Variants in DLG2 observed in about 807,000 individuals in gnomAD.
DLG2 encodes disks large homolog 2.
In DLG2, 45 loss-of-function variants were observed where a neutral mutation model predicts 132.5. The observed-to-expected ratio is 0.34, with a 90% CI of 0.27 to 0.44. The LOEUF is 0.44. Among genes scored for constraint, DLG2 ranks in the 20% least tolerant of loss-of-function variants. The pLI, the probability that DLG2 is intolerant of heterozygous loss-of-function variation, is 1.00. For missense variants in DLG2, 1,045 were observed against 1,196.9 expected, an observed-to-expected ratio of 0.87 and a Z score of 1.87; for synonymous variants, 424 against 419.6, an observed-to-expected ratio of 1.01 and a Z score of -0.13.
intron 8 of DLG2, among the ~76,000 whole-genome samples, chr11:84,204,019 A>G (rs868399117): frequency 3.9e-5 from 6 of 152,144 alleles, no homozygotes; most frequent in African/African-American, 1.4e-4. Flanking sequence ...GTGGAATGGT[A>G]TGATCTCAGA....
intron 8 of DLG2, among the ~76,000 whole-genome samples, chr11:84,178,531 A>C (rs1007801916): frequency 2.0e-5 from 3 of 152,176 alleles, no homozygotes. Context: ...AGGAAGGCCT[A>C]TTCGAAAATA....
chr11:84,468,154 T>C (rs1032925661), intron 7 of DLG2, among the ~76,000 whole-genome samples: 3 of 151,624 alleles, frequency 2.0e-5, no homozygotes, highest in African/African-American at 7.3e-5. Context: ...TTTTACTCTT[T>C]TCATCTTTCA....
chr11:84,553,315 T>C (rs1331268256), intron 6 of DLG2, among the ~76,000 whole-genome samples: 1 of 152,220 alleles, frequency 6.6e-6, no homozygotes, highest in Non-Finnish European at 1.5e-5. Flanking sequence ...TAGACCCTGG[T>C]AATATTTAGA....
chr11:84,134,741 C>A (rs1042369519), intron 9 of DLG2, among the ~76,000 whole-genome samples: 5 of 151,268 alleles, frequency 3.3e-5, no homozygotes, highest in Non-Finnish European at 7.4e-5. Context: ...TGTACCTCAA[C>A]TAATTTGAAA....
intron 3 of DLG2, among the ~76,000 whole-genome samples, chr11:85,448,895 G>A (rs1241073231): frequency 6.6e-6 from 1 of 151,982 alleles, no homozygotes; most frequent in Admixed American, 6.6e-5. Context: ...ATTTCTGACT[G>A]TGCTTATTTA....
At chr11:84,664,414 A>G (rs1032648272) in intron 6 of DLG2, among the ~76,000 whole-genome samples, 7 of 152,202 alleles carry the variant, frequency 4.6e-5, no homozygotes, top group African/African-American at 1.7e-4. Flanking sequence ...TAAGTTAGTA[A>G]CTACACTTAT....
At chr11:83,602,528 C>A (rs2058716795) in intron 19 of DLG2, among the ~76,000 whole-genome samples, 1 of 152,218 alleles carries the variant, frequency 6.6e-6, no homozygotes, top group Non-Finnish European at 1.5e-5. Flanking sequence ...TGCCTCCCTG[C>A]AGGAGAAAAC....
chr11:84,417,798 C>T (rs531833513), intron 7 of DLG2, among the ~76,000 whole-genome samples: 1 of 152,216 alleles, frequency 6.6e-6, no homozygotes, highest in Admixed American at 6.5e-5. Flanking sequence ...ATTTTCCTGG[C>T]TTTTAAACAG....
intron 7 of DLG2, among the ~76,000 whole-genome samples, chr11:84,391,290 G>A (rs879323396): frequency 3.3e-5 from 5 of 152,066 alleles, no homozygotes; most frequent in Admixed American, 6.6e-5. Flanking sequence ...AAGTATGTAC[G>A]TTATCCTTTA....
At chr11:84,377,059 T>C (rs574060596) in intron 7 of DLG2, among the ~76,000 whole-genome samples, 2 of 152,172 alleles carry the variant, frequency 1.3e-5, no homozygotes, top group East Asian at 3.9e-4. Flanking sequence ...AATTTCAACA[T>C]CACTAAAATT....
intron 15 of DLG2, among the ~76,000 whole-genome samples, chr11:83,883,915 CA>C (rs1417571694): frequency 1.3e-5 from 2 of 152,048 alleles, no homozygotes; most frequent in East Asian, 3.8e-4. Flanking sequence ...GTAGCTACTT[CA>C]AAAAGGAAAG....
chr11:85,038,908 C>CT (rs1399248133), intron 6 of DLG2, among the ~76,000 whole-genome samples: 1 of 151,858 alleles, frequency 6.6e-6, no homozygotes, highest in East Asian at 1.9e-4. Flanking sequence ...TTTAAAATAC[C>CT]TTTTTTTCTC....
chr11:83,511,215 T>C (rs2095017406), intron 21 of DLG2, among the ~76,000 whole-genome samples: 1 of 152,218 alleles, frequency 6.6e-6, no homozygotes, highest in Non-Finnish European at 1.5e-5. Context: ...GTAAACCAAT[T>C]GTCACTTTAA....
At chr11:84,818,785 T>C (rs2077346371) in intron 6 of DLG2, among the ~76,000 whole-genome samples, 1 of 151,970 alleles carries the variant, frequency 6.6e-6, no homozygotes, top group Non-Finnish European at 1.5e-5. Flanking sequence ...CAGAGGTATA[T>C]GACTTGCCCA....
chr11:84,353,429 AT>A, intron 7 of DLG2, among the ~76,000 whole-genome samples: 1 of 152,122 alleles, frequency 6.6e-6, no homozygotes, highest in East Asian at 1.9e-4. Flanking sequence ...CATTCTTGAC[AT>A]TCCTCTCCCT....
At chr11:83,984,709 A>G (rs1268917745) in intron 11 of DLG2, among the ~76,000 whole-genome samples, 2 of 152,104 alleles carry the variant, frequency 1.3e-5, no homozygotes, top group African/African-American at 4.8e-5. Context: ...TTTAGTTGTT[A>G]TGGATACATA....
chr11:85,576,756 G>C (rs1371737482), intron 3 of DLG2, among the ~76,000 whole-genome samples: 1 of 151,976 alleles, frequency 6.6e-6, no homozygotes, highest in African/African-American at 2.4e-5. Flanking sequence ...AGTTGGGAGG[G>C]AACACATCAC....
chr11:84,282,403 C>T (rs1267519182), intron 7 of DLG2, among the ~76,000 whole-genome samples: 2 of 152,042 alleles, frequency 1.3e-5, no homozygotes, highest in Non-Finnish European at 2.9e-5. Flanking sequence ...TTACAAAAGT[C>T]TGGAGAGATT....
chr11:85,571,989 A>G (rs987152751), intron 3 of DLG2, among the ~76,000 whole-genome samples: 14 of 152,182 alleles, frequency 9.2e-5, no homozygotes, highest in African/African-American at 3.1e-4. Context: ...GATCTGGGAA[A>G]CATAAGATAG....
Sources: allele counts gnomAD v4.1 joint callset (sites outside exome capture counted in the v4.1 genomes callset), GRCh38; gene constraint gnomAD v4.1.1; transcripts MANE v1.5; gene names NCBI Gene and HGNC (gene_info 2026-07-23, HGNC 2026-07-21).